The following SORL1 variants were observed in gnomAD, a reference collection of about 807,000 sequenced individuals.
The protein encoded by SORL1 is sortilin related receptor 1, also known as sortilin-related receptor.
Under a neutral mutation model 273.7 loss-of-function variants are expected in SORL1, and 127 were observed. That is an observed-to-expected ratio of 0.46 (90% CI 0.40 to 0.54). The LOEUF (loss-of-function observed/expected upper bound fraction) is 0.54, where lower values mean the gene tolerates loss of function less well. Ranked by LOEUF, SORL1 falls within the 20% of genes least tolerant of loss-of-function variation. The pLI is 0.00. For missense variants in SORL1, 2,494 were observed against 2,846.1 expected (o/e 0.88, Z 2.81); for synonymous variants, 1,031 against 1,067.4 (o/e 0.97, Z 0.66).
rs549651498 is a variant in SORL1, at chr11:121,625,250, A to T, written c.6337A>T (p.Ile2113Phe). The T allele has an allele frequency of 3.7e-6, 6 of 1,613,814 alleles. No individual in the cohort carries two copies. Among genetic ancestry groups the T allele is most frequent in the Non-Finnish European group, 5.1e-6 (6 of 1,179,920 alleles). Residue 2113 changes from isoleucine to phenylalanine, a missense_variant, in exon 46 of 48, where the codon ATC (isoleucine) becomes TTC (phenylalanine). By Grantham distance (21) the Ile-to-Phe change is conservative. This residue lies in a region of SORL1 where 1,609 missense variants were observed against 1,816.4 expected (regional missense o/e 0.89). Transcript: ENST00000260197. ...CAACCAGATCTGTGGGGAGCCTGCC[A>T]TCCTGCTGTACGATGAGCTGGGGTC... ...FGNQICGEPA[I>F]LLYDELGSGA...
At chr11:121,473,256 G>C (rs1362195849) in intron 2 of SORL1, among the ~76,000 whole-genome samples, 1 of 152,132 alleles carries the variant, frequency 6.6e-6, no homozygotes, top group African/African-American at 2.4e-5. Flanking sequence ...AACTGTGTGG[G>C]TGTTGGTGAG....
At position 121,507,046 on chromosome 11, in the gene SORL1, A is replaced by G. The variant is rs149080684; in HGVS notation, c.940-5957A>G. On this transcript the variant is annotated intron_variant, in intron 6 of 47. Transcript: ENST00000260197. ...TGAAATCTAATTTGGATTAATAACAATGTAACTTCAGTAGTGTACAAAATC... is the reference window on the plus strand; with the variant it reads ...TGAAATCTAATTTGGATTAATAACAGTGTAACTTCAGTAGTGTACAAAATC... Among the ~76,000 whole-genome samples the G allele has an allele frequency of 4.8e-3, 724 of 152,338 alleles. 11 individuals are homozygous for G. Among genetic ancestry groups the G allele is most frequent in the African/African-American group, 0.016 (661 of 41,576 alleles).
chr11:121,545,498 T>A (rs1266463026), intron 14 of SORL1, 69 bp downstream of exon 14: 18 of 1,428,920 alleles, frequency 1.3e-5, no homozygotes, highest in Non-Finnish European at 1.8e-5. Context: ...GGGGAAGAGA[T>A]TAGGCATGGT....
At chr11:121,617,634 G>A (rs1181725828) in intron 41 of SORL1, among the ~76,000 whole-genome samples, 3 of 152,136 alleles carry the variant, frequency 2.0e-5, no homozygotes, top group Admixed American at 6.5e-5. Context: ...TACAGTCCTC[G>A]TCAAGCCCAT....
intron 8 of SORL1, among the ~76,000 whole-genome samples, chr11:121,516,942 C>T (rs1391315015): frequency 6.6e-6 from 1 of 152,094 alleles, no homozygotes; most frequent in African/African-American, 2.4e-5. Flanking sequence ...GTCCCAGCTA[C>T]TTGGGAGGCT....
intron 39 of SORL1, 22 bp downstream of exon 39, chr11:121,611,180 A>C (rs1336652938): frequency 6.7e-7 from 1 of 1,495,720 alleles, no homozygotes; most frequent in Admixed American, 1.7e-5. Flanking sequence ...ATTTCAAGCC[A>C]GCAGCTGGAT....
chr11:121,595,622 G>A lies in SORL1; in HGVS notation c.4370-1G>A. On this transcript the variant is annotated splice_acceptor_variant, in intron 31 of 47. Coordinates refer to ENST00000260197, the MANE Select transcript of SORL1 (RefSeq NM_003105.6). LOFTEE classifies it high-confidence loss of function. This position sits in a 1 kb window ranked among gnomAD's most constrained non-coding sequence, Gnocchi z 5.1. ...TAAATTTTAAAAATCTTTTATTTTA[G>A]CAAACGTCACTGCTGCCTCCACTCC... is the stretch of plus-strand genomic sequence containing the variant. 6.3e-7 allele frequency: 1 copy of A among 1,578,848 alleles called. No homozygotes were observed. The highest frequency in any genetic ancestry group is 8.6e-7 in the Non-Finnish European group (1 of 1,162,118).
intron 4 of SORL1, 69 bp downstream of exon 4, chr11:121,488,262 G>T (rs1428255702): frequency 1.3e-6 from 2 of 1,532,184 alleles, no homozygotes; most frequent in Non-Finnish European, 1.8e-6. Context: ...TGTGGATTGT[G>T]TGTCCTTTGA....
At chr11:121,614,754 G>T in intron 40 of SORL1, 117 bp from the exon 41 acceptor site, 1 of 767,428 alleles carries the variant, frequency 1.3e-6, no homozygotes, top group South Asian at 1.5e-5. Flanking sequence ...TACAGCACAT[G>T]GGACTCATTT....
intron 21 of SORL1, among the ~76,000 whole-genome samples, chr11:121,565,978 G>A (rs1309079830): frequency 6.6e-6 from 1 of 152,184 alleles, no homozygotes; most frequent in Non-Finnish European, 1.5e-5. Context: ...TGAGTACTGT[G>A]GTTGGCTCCT....
At chr11:121,574,592 G>T (rs1862899470) in intron 24 of SORL1, among the ~76,000 whole-genome samples, 1 of 152,138 alleles carries the variant, frequency 6.6e-6, no homozygotes, top group Non-Finnish European at 1.5e-5. Context: ...GGAGACACTT[G>T]CGAACTGGGA....
chr11:121,522,987 G>C lies in SORL1; in HGVS notation c.1594G>C (p.Glu532Gln). 2 of 1,609,566 alleles carry C rather than the reference G, an allele frequency of 1.2e-6. No individual in the cohort carries two copies. The highest frequency in any genetic ancestry group is 1.7e-6 in the Non-Finnish European group (2 of 1,175,952). The change falls in exon 11 of 48, where the codon GAG becomes CAG. Residue 532 changes from glutamate to glutamine, a missense_variant and splice_region_variant. Physicochemically the swap from Glu to Gln is conservative, Grantham distance 29. Coordinates refer to ENST00000260197, the MANE Select transcript of SORL1 (RefSeq NM_003105.6). ...TAGCAGTGCTGGAGCCAGGTGGCGA[G>C]AGGTCAGCCCCCTCCCCCAATCCCG... ...ISSSAGARWR[E>Q]ALPGPHYYTW...
chr11:121,499,598 A>T (rs1861680635), intron 6 of SORL1, among the ~76,000 whole-genome samples: 1 of 152,344 alleles, frequency 6.6e-6, no homozygotes, highest in East Asian at 1.9e-4. Flanking sequence ...GAAAAGAAAC[A>T]CAACTGGCTG....
intron 45 of SORL1, among the ~76,000 whole-genome samples, chr11:121,624,268 G>T (rs754781743): frequency 5.9e-5 from 9 of 152,206 alleles, no homozygotes; most frequent in Non-Finnish European, 1.2e-4. Context: ...ATGCAAGGGG[G>T]CCCAATATGT....
At position 121,550,059 on chromosome 11, in the gene SORL1, T is replaced by C. The variant is rs1407212056; in HGVS notation, c.2151T>C (p.Pro717=). 6.2e-7 allele frequency: 1 copy of C among 1,613,548 alleles called. No individual in the cohort carries two copies. Among genetic ancestry groups the C allele is most frequent in the Non-Finnish European group, 8.5e-7 (1 of 1,179,662 alleles). ...GKSYSPPVPC[P]VGSTYRRTRG... ...CATACTCCCCTCCTGTGCCTTGCCC[T>C]GTGGGTTCTACTTACAGGAGAACGA... Residue 717 remains proline, a synonymous_variant, in exon 15 of 48, where the codon CCT becomes CCC. Coordinates refer to ENST00000260197, the MANE Select transcript of SORL1 (RefSeq NM_003105.6). The surrounding 1 kb of genome is among the most constrained non-coding windows in gnomAD (Gnocchi z 5.3).
At chr11:121,608,035 G>A (rs1436840965) in intron 37 of SORL1, 69 bp from the exon 38 acceptor site, 3 of 1,390,080 alleles carry the variant, frequency 2.2e-6, no homozygotes, top group Non-Finnish European at 2.0e-6. Flanking sequence ...AGCTCATTCA[G>A]TATTCTTACT....
In SORL1 at chr11:121,552,361, G is replaced by A. The variant is rs187188443; in HGVS notation, c.2267-1576G>A. 3.3e-5 allele frequency among the ~76,000 whole-genome samples: 5 copies of A among 152,314 alleles called. No individual in the cohort carries two copies. In the East Asian group the frequency reaches 9.6e-4, roughly 29 times the overall value. ...CCATTCCTTTTCCAGGTTAAGCATT[G>A]CGCGCTGGAATGCCGCATGCTGCTC... On this transcript the variant is annotated intron_variant, in intron 16 of 47. Coordinates refer to ENST00000260197, the MANE Select transcript of SORL1 (RefSeq NM_003105.6).
chr11:121,590,907 A>G, intron 30 of SORL1, 94 bp from the exon 31 acceptor site: 1 of 1,427,406 alleles, frequency 7.0e-7, no homozygotes. Flanking sequence ...GGTACAGCTA[A>G]AACTGGGACA....
Position 121,550,055 on chromosome 11 carries a change from G to A in SORL1, c.2147G>A (p.Cys716Tyr). 1 of 1,613,704 alleles carries A rather than the reference G, an allele frequency of 6.2e-7. No individual in the cohort carries two copies. Among genetic ancestry groups the A allele is most frequent in the Non-Finnish European group, 8.5e-7 (1 of 1,179,738 alleles). The change falls in exon 15 of 48, where the codon TGC becomes TAC. Residue 716 changes from cysteine to tyrosine, a missense_variant. Coordinates refer to ENST00000260197, the MANE Select transcript of SORL1 (RefSeq NM_003105.6). This position sits in a 1 kb window ranked among gnomAD's most constrained non-coding sequence, Gnocchi z 5.3. ...AAGTCATACTCCCCTCCTGTGCCTT[G>A]CCCTGTGGGTTCTACTTACAGGAGA... ...SGKSYSPPVP[C>Y]PVGSTYRRTR...
Sources: allele counts gnomAD v4.1 joint callset (sites outside exome capture counted in the v4.1 genomes callset), GRCh38; gene constraint gnomAD v4.1.1; regional missense constraint gnomAD v4.1.1; non-coding constraint Gnocchi (gnomAD v3.1); transcripts MANE v1.5; gene names NCBI Gene and HGNC (gene_info 2026-07-23, HGNC 2026-07-21).